The following NT5DC1 variants were observed in gnomAD, a reference collection of about 807,000 sequenced individuals.
NT5DC1 encodes 5'-nucleotidase domain-containing protein 1.
In NT5DC1, 42 loss-of-function variants were observed where a neutral mutation model predicts 59.4. The ratio of observed to expected loss-of-function variants is 0.71; its 90% confidence interval spans 0.55 to 0.92. The LOEUF is 0.92. Ranked by LOEUF, NT5DC1 falls within the 40% of genes least tolerant of loss-of-function variation. The pLI is 0.00. For missense variants in NT5DC1, 501 were observed against 537.1 expected, an observed-to-expected ratio of 0.93 and a Z score of 0.66; for synonymous variants, 172 against 188.1, an observed-to-expected ratio of 0.91 and a Z score of 0.70.
At chr6:116,242,766 A>G (rs1408888580) in intron 11 of NT5DC1, among the ~76,000 whole-genome samples, 1 of 152,130 alleles carries the variant, frequency 6.6e-6, no homozygotes, top group Non-Finnish European at 1.5e-5. Flanking sequence ...TAGTTTGCAA[A>G]TTTCCTTCAG....
intron 6 of NT5DC1, among the ~76,000 whole-genome samples, chr6:116,216,583 A>G (rs1478235769): frequency 3.9e-5 from 6 of 151,940 alleles, no homozygotes; most frequent in Non-Finnish European, 8.8e-5. Context: ...GAGACTTTCC[A>G]AGTATTATGT....
chr6:116,140,762 T>A (rs1490688742), intron 6 of NT5DC1, among the ~76,000 whole-genome samples: 1 of 152,206 alleles, frequency 6.6e-6, no homozygotes, highest in East Asian at 1.9e-4. Flanking sequence ...TGCAACTTAC[T>A]TTTTTGATGT....
At chr6:116,167,206 ATTTTTTTT>A (rs61348980) in intron 6 of NT5DC1, among the ~76,000 whole-genome samples, 6 of 87,796 alleles carry the variant, frequency 6.8e-5, no homozygotes, top group African/African-American at 2.0e-4. Flanking sequence ...CAAATAGAAG[ATTTTTTTT>A]TTTTTTTTTT....
At chr6:116,226,801 ACTT>A (rs1781919843) in intron 8 of NT5DC1, among the ~76,000 whole-genome samples, 1 of 152,070 alleles carries the variant, frequency 6.6e-6, no homozygotes, top group Non-Finnish European at 1.5e-5. Context: ...TTGTATAAAC[ACTT>A]AGTTTTTTAA....
chr6:116,214,095 C>T (rs1781641305), intron 6 of NT5DC1, among the ~76,000 whole-genome samples: 1 of 152,002 alleles, frequency 6.6e-6, no homozygotes, highest in South Asian at 2.1e-4. Context: ...AAGTAAATTT[C>T]TCAAAAATCC....
intron 6 of NT5DC1, among the ~76,000 whole-genome samples, chr6:116,193,141 T>G (rs1203191768): frequency 3.9e-5 from 6 of 152,080 alleles, no homozygotes; most frequent in Non-Finnish European, 8.8e-5. Context: ...GACTATTCAG[T>G]TTGTTATTAG....
intron 6 of NT5DC1, chr6:116,120,665 C>A (rs769122278): frequency 6.5e-7 from 1 of 1,545,782 alleles, no homozygotes; most frequent in South Asian, 1.3e-5. Context: ...TCCATTGAGG[C>A]CCTTAGTTGC....
intron 6 of NT5DC1, among the ~76,000 whole-genome samples, chr6:116,146,737 G>C (rs72952000): frequency 6.6e-6 from 1 of 151,944 alleles, no homozygotes; most frequent in Non-Finnish European, 1.5e-5. Flanking sequence ...AAACTGAATA[G>C]AAAGTTCAGA....
chr6:116,155,987 A>T lies in NT5DC1; in HGVS notation c.529+38042A>T, dbSNP rs1780183418. 2.6e-5 allele frequency among the ~76,000 whole-genome samples: 4 copies of T among 152,192 alleles called. No homozygotes were observed. In the South Asian group the frequency reaches 8.3e-4, roughly 31 times the overall value. ...GTTGGGAATGGGCTAGAAAAAAATT[A>T]CATTGACTTGAATCAAGTTCAAGAG... On this transcript the variant is annotated intron_variant, in intron 6 of 11. Coordinates refer to ENST00000319550, the MANE Select transcript of NT5DC1 (RefSeq NM_152729.3).
intron 6 of NT5DC1, among the ~76,000 whole-genome samples, chr6:116,200,787 G>C (rs1222713336): frequency 1.3e-5 from 2 of 151,948 alleles, no homozygotes; most frequent in Non-Finnish European, 2.9e-5. Flanking sequence ...TAAAGAAACT[G>C]AAGGATATCA....
At chr6:116,103,416 G>T (rs1270927521) in intron 1 of NT5DC1, among the ~76,000 whole-genome samples, 1 of 152,062 alleles carries the variant, frequency 6.6e-6, no homozygotes, top group African/African-American at 2.4e-5. Flanking sequence ...AACTAAGCGA[G>T]GTAGTCCGGC....
At chr6:116,145,933 A>C (rs1487971293) in intron 6 of NT5DC1, among the ~76,000 whole-genome samples, 3 of 152,146 alleles carry the variant, frequency 2.0e-5, no homozygotes, top group African/African-American at 7.2e-5. Flanking sequence ...TAACTCTTTC[A>C]ATTTGGTATG....
At chr6:116,131,524 G>A (rs1365486567) in intron 6 of NT5DC1, among the ~76,000 whole-genome samples, 1 of 152,152 alleles carries the variant, frequency 6.6e-6, no homozygotes, top group Non-Finnish European at 1.5e-5. Flanking sequence ...AGTTTATATT[G>A]GAGATCATTG....
rs139177858 is a variant in NT5DC1, at chr6:116,217,371, G to A, written c.530-3683G>A. On this transcript the variant is annotated intron_variant, in intron 6 of 11. Coordinates refer to ENST00000319550, the MANE Select transcript of NT5DC1 (RefSeq NM_152729.3). ...AAGAATTTCCTTTAAATCTCATCTG[G>A]ACCTAGAAAATATCAGCATCAAAGG... Among the ~76,000 whole-genome samples the A allele has an allele frequency of 3.3e-3, 504 of 152,052 alleles. 1 individual carries two copies. The highest frequency in any genetic ancestry group is 0.01 in the Admixed American group (153 of 15,268).
intron 6 of NT5DC1, among the ~76,000 whole-genome samples, chr6:116,136,047 T>G (rs1445631630): frequency 6.6e-6 from 1 of 152,008 alleles, no homozygotes; most frequent in Non-Finnish European, 1.5e-5. Context: ...TTATTCATCC[T>G]ACGTAACTGA....
At chr6:116,240,573 A>G (rs1182195058) in intron 11 of NT5DC1, among the ~76,000 whole-genome samples, 1 of 152,192 alleles carries the variant, frequency 6.6e-6, no homozygotes, top group East Asian at 1.9e-4. Context: ...GATGAGAGAA[A>G]ATGATGGGGA....
rs1403154159 is a variant in NT5DC1, at chr6:116,120,835, T to C, written c.529+2890T>C. 4.3e-6 allele frequency: 7 copies of C among 1,613,870 alleles called. No individual in the cohort carries two copies. The East Asian group carries it at 1.6e-4, about 36-fold the overall frequency. On this transcript the variant is annotated intron_variant, in intron 6 of 11. Coordinates refer to ENST00000319550, the MANE Select transcript of NT5DC1 (RefSeq NM_152729.3). ...TGTGTCCGGGCATTCCCTTTGCTCC[T>C]GCTGGGCCCACAGGGCCTGGGAGAC...
chr6:116,246,031 G>A lies in NT5DC1; in HGVS notation c.*2007G>A, dbSNP rs1415171643. The A allele has an allele frequency of 6.6e-6, 1 of 151,852 alleles. No homozygotes were observed. The highest frequency in any genetic ancestry group is 1.5e-5 in the Non-Finnish European group (1 of 67,930). 9.4% of individuals were successfully genotyped at this position (151,852 alleles called of 1,614,324 possible). On this transcript the variant is annotated 3_prime_UTR_variant, in exon 12 of 12. Transcript: ENST00000319550. Reference sequence around the variant, plus strand: ...TCTGTAATTAGAAAGACTATAATTAGGCTTTTTAAATTTGTATTTTCATTC... The same window carrying A: ...TCTGTAATTAGAAAGACTATAATTAAGCTTTTTAAATTTGTATTTTCATTC...
chr6:116,177,748 C>G (rs1780765599), intron 6 of NT5DC1, among the ~76,000 whole-genome samples: 1 of 149,546 alleles, frequency 6.7e-6, no homozygotes, highest in African/African-American at 2.4e-5. Flanking sequence ...TAATAATATT[C>G]TAAAATGTTT....
Sources: gnomAD v4.1 joint callset for allele counts (sites outside exome capture counted in the v4.1 genomes callset) on GRCh38, gnomAD v4.1.1 for gene constraint, MANE v1.5 for transcripts, NCBI Gene and HGNC (gene_info 2026-07-23, HGNC 2026-07-21) for gene names.